CNGB3: variants seen among roughly 807,000 people sequenced by gnomAD.
The protein encoded by CNGB3 is cyclic nucleotide gated channel subunit beta 3.
A neutral mutation model predicts 92.8 loss-of-function variants in CNGB3; 86 were observed. That is an observed-to-expected ratio of 0.93 (90% confidence interval 0.78 to 1.11). CNGB3 has a LOEUF of 1.11. Among genes scored for constraint, CNGB3 ranks in the 50% least tolerant of loss-of-function variants. The probability of loss-of-function intolerance (pLI) is 0.00; values close to 1 mark genes in which losing one functional copy is unlikely to be tolerated. For missense variants in CNGB3, 1,026 were observed against 956.8 expected (o/e 1.07, Z -0.95); for synonymous variants, 333 against 332.7 (o/e 1.00, Z -0.01).
At chr8:86,720,715 C>T (rs1302275011) in intron 3 of CNGB3, among the ~76,000 whole-genome samples, 1 of 151,816 alleles carries the variant, frequency 6.6e-6, no homozygotes, top group Non-Finnish European at 1.5e-5. Context: ...TATAGCAGCA[C>T]AATTTGCTGT....
chr8:86,630,199 T>C (rs1250438250), intron 11 of CNGB3, among the ~76,000 whole-genome samples: 1 of 152,174 alleles, frequency 6.6e-6, no homozygotes, highest in Non-Finnish European at 1.5e-5. Flanking sequence ...CAAATATTCC[T>C]CAACAACCTC....
intron 14 of CNGB3, among the ~76,000 whole-genome samples, chr8:86,606,151 T>G (rs1219954866): frequency 1.4e-5 from 2 of 147,532 alleles, no homozygotes; most frequent in East Asian, 2.0e-4. Context: ...GGTTGGTTTT[T>G]TTTTTTTTTT....
At position 86,613,536 on chromosome 8, in the gene CNGB3, A is replaced by C. The variant is rs192575930; in HGVS notation, c.1579-1865T>G. Among the ~76,000 whole-genome samples the C allele has an allele frequency of 2.7e-3, 406 of 152,304 alleles. 1 individual carries two copies. Among genetic ancestry groups the C allele is most frequent in the Non-Finnish European group, 4.5e-3 (308 of 68,030 alleles). The stretch of plus-strand genomic sequence containing the variant: ...AAAATCCACTTGAAATATGCTTGGA[A>C]GTTCTTGAACATGTACATGTCTGGA... On this transcript the variant is annotated intron_variant, in intron 13 of 17. Coordinates refer to ENST00000320005, the MANE Select transcript of CNGB3 (RefSeq NM_019098.5).
chr8:86,651,736 A>C (rs1823408030), intron 7 of CNGB3, among the ~76,000 whole-genome samples: 1 of 151,916 alleles, frequency 6.6e-6, no homozygotes, highest in African/African-American at 2.4e-5. Context: ...AACTGTAGAA[A>C]ATTGAATTGA....
chr8:86,735,927 G>A (rs557528370), intron 2 of CNGB3, among the ~76,000 whole-genome samples: 49 of 152,070 alleles, frequency 3.2e-4, no homozygotes, highest in African/African-American at 8.9e-4. Flanking sequence ...TAAAAGTATC[G>A]TAAACCACTA....
intron 3 of CNGB3, among the ~76,000 whole-genome samples, chr8:86,682,682 C>G (rs1428405378): frequency 6.6e-6 from 1 of 152,108 alleles, no homozygotes; most frequent in Non-Finnish European, 1.5e-5. Context: ...ATTCAATCCT[C>G]TAAATGCAAA....
At chr8:86,736,726 G>A (rs1452310392) in intron 2 of CNGB3, among the ~76,000 whole-genome samples, 1 of 151,652 alleles carries the variant, frequency 6.6e-6, no homozygotes, top group African/African-American at 2.4e-5. Flanking sequence ...ATTTGAAGAT[G>A]GAATAATGGT....
chr8:86,738,368 G>A (rs1436056016), intron 2 of CNGB3, among the ~76,000 whole-genome samples: 1 of 152,154 alleles, frequency 6.6e-6, no homozygotes. Context: ...TTGAGCAAAG[G>A]TTGAGATCAA....
At chr8:86,611,556 A>T (rs767869910) in intron 14 of CNGB3, 32 bp downstream of exon 14, 31 of 1,515,510 alleles carry the variant, frequency 2.0e-5, no homozygotes, top group Non-Finnish European at 2.5e-5. Flanking sequence ...TGCATTTATT[A>T]GTTGTGCATT....
chr8:86,658,298 C>A (rs1013171102), intron 6 of CNGB3: 97 of 504,844 alleles, frequency 1.9e-4, no homozygotes, highest in Non-Finnish European at 5.6e-5. Flanking sequence ...CCTCCCGACT[C>A]TCCAGTTCCT....
chr8:86,628,038 T>C (rs978275066), intron 12 of CNGB3, among the ~76,000 whole-genome samples: 1 of 152,196 alleles, frequency 6.6e-6, no homozygotes, highest in African/African-American at 2.4e-5. Context: ...CATTTTCTTT[T>C]CTCTAGTTTA....
Position 86,576,027 on chromosome 8 carries a change from T to C in CNGB3, c.2207A>G (p.Glu736Gly), listed in dbSNP as rs754176697. 1 of 1,611,016 alleles carries C rather than the reference T, an allele frequency of 6.2e-7. No homozygotes were observed. The highest frequency in any genetic ancestry group is 1.1e-5 in the South Asian group (1 of 90,376). Residue 736 changes from glutamate (E) to glycine (G), a missense_variant, in exon 18 of 18, where the codon GAA becomes GGA. Coordinates refer to ENST00000320005, the MANE Select transcript of CNGB3 (RefSeq NM_019098.5). ...KQKENEDKGK[E>G]NEDKDKGREP... The stretch of plus-strand genomic sequence containing the variant: ...TCTTCCTTTATCTTTATCTTCATTT[T>C]CTTTTCCTTTATCTTCATTTTCTTT...
At position 86,575,063 on chromosome 8, in the gene CNGB3, G is replaced by A. The variant is rs1312743663; in HGVS notation, c.*741C>T. 6.6e-6 allele frequency: 1 copy of A among 152,184 alleles called. No homozygotes were observed. The highest frequency in any genetic ancestry group is 2.4e-5 in the African/African-American group (1 of 41,428). 9.4% of individuals were successfully genotyped at this position (152,184 alleles called of 1,614,324 possible). A position where few individuals can be genotyped will look rare whatever the true frequency, so the allele number is the denominator to read the frequency against. On this transcript the variant is annotated 3_prime_UTR_variant, in exon 18 of 18. Coordinates refer to ENST00000320005, the MANE Select transcript of CNGB3 (RefSeq NM_019098.5). ...AAGTCCCTTGAGCCAGATGAGTTAG[G>A]TAGATTGGTGTCTTTTAAGTTGGTT...
chr8:86,711,865 A>G (rs1272794953), intron 3 of CNGB3, among the ~76,000 whole-genome samples: 1 of 150,186 alleles, frequency 6.7e-6, no homozygotes, highest in East Asian at 1.9e-4. Flanking sequence ...CATATAATAC[A>G]TAGTATATAA....
intron 2 of CNGB3, among the ~76,000 whole-genome samples, chr8:86,735,202 G>A (rs900003980): frequency 2.9e-4 from 36 of 124,544 alleles, no homozygotes; most frequent in Non-Finnish European, 4.3e-4. Flanking sequence ...GAGTGCAGTG[G>A]CGCAATCTCG....
chr8:86,678,527 A>G (rs1011897556), intron 3 of CNGB3, among the ~76,000 whole-genome samples: 6 of 152,162 alleles, frequency 3.9e-5, no homozygotes, highest in African/African-American at 1.4e-4. Flanking sequence ...TAAGTGATTC[A>G]TGATCTGTGT....
intron 15 of CNGB3, among the ~76,000 whole-genome samples, chr8:86,583,153 G>T (rs1375121228): frequency 6.6e-6 from 1 of 152,018 alleles, no homozygotes; most frequent in African/African-American, 2.4e-5. Flanking sequence ...TGCCCACCTT[G>T]GCCTCCCAAA....
intron 2 of CNGB3, among the ~76,000 whole-genome samples, chr8:86,734,817 A>G (rs530186575): frequency 2.0e-5 from 3 of 152,108 alleles, no homozygotes; most frequent in South Asian, 4.1e-4. Context: ...CATTTATGCT[A>G]TCTGGCTTGT....
intron 13 of CNGB3, among the ~76,000 whole-genome samples, chr8:86,619,261 C>T (rs903087821): frequency 5.3e-5 from 8 of 152,022 alleles, no homozygotes; most frequent in Admixed American, 2.6e-4. Flanking sequence ...TGTGATTTCC[C>T]CAGCATTTAA....
Sources: allele counts gnomAD v4.1 joint callset (sites outside exome capture counted in the v4.1 genomes callset), GRCh38; gene constraint gnomAD v4.1.1; transcripts MANE v1.5; gene names NCBI Gene and HGNC (gene_info 2026-07-23, HGNC 2026-07-21).